Variants in ZNF521 observed in about 807,000 individuals in gnomAD.
ZNF521 encodes the protein zinc finger protein 521.
In ZNF521, 14 loss-of-function variants were observed where a neutral mutation model predicts 105.5. The ratio of observed to expected loss-of-function variants is 0.13; its 90% confidence interval spans 0.09 to 0.21. The LOEUF (loss-of-function observed/expected upper bound fraction) is 0.21, where lower values mean the gene tolerates loss of function less well. Among genes scored for constraint, ZNF521 ranks in the 10% least tolerant of loss-of-function variants. ZNF521 has a pLI of 1.00. For missense variants in ZNF521, 1,233 were observed against 1,629.7 expected, an observed-to-expected ratio of 0.76 and a Z score of 4.19; for synonymous variants, 635 against 606.0, an observed-to-expected ratio of 1.05 and a Z score of -0.70.
At chr18:25,292,832 T>G (rs1331909409) in intron 3 of ZNF521, among the ~76,000 whole-genome samples, 2 of 152,198 alleles carry the variant, frequency 1.3e-5, no homozygotes, top group African/African-American at 4.8e-5. Context: ...TTATTTGTTC[T>G]TTAAACAAAA....
Position 25,178,637 on chromosome 18 carries a change from T to C in ZNF521, c.3658+16523A>G, listed in dbSNP as rs139098377. Among the ~76,000 whole-genome samples the C allele has an allele frequency of 5.8e-3, 877 of 152,316 alleles. 8 individuals carry two copies. The highest frequency in any genetic ancestry group is 0.02 in the African/African-American group (829 of 41,564). On this transcript the variant is annotated intron_variant, in intron 5 of 7. Transcript: ENST00000361524. ...ACTTAGCTGTTTCAAAGTAGTTTGT[T>C]TTAAGAAAGTAGAAGAGAATACCTA...
At chr18:25,328,095 A>C (rs1446920776) in intron 2 of ZNF521, among the ~76,000 whole-genome samples, 1 of 152,164 alleles carries the variant, frequency 6.6e-6, no homozygotes, top group East Asian at 1.9e-4. Flanking sequence ...GAAAGTTGTT[A>C]AATTGTTTTA....
intron 4 of ZNF521, among the ~76,000 whole-genome samples, chr18:25,216,506 G>A (rs942137649): frequency 5.3e-5 from 8 of 152,162 alleles, no homozygotes; most frequent in African/African-American, 1.4e-4. Context: ...AACATTTACT[G>A]AGCCCTTATG....
Position 25,253,328 on chromosome 18 carries a change from G to A in ZNF521, c.221-25631C>T, listed in dbSNP as rs549727025. Among the ~76,000 whole-genome samples the A allele has an allele frequency of 2.3e-3, 348 of 152,150 alleles. 3 individuals are homozygous for A. Among genetic ancestry groups the A allele is most frequent in the Non-Finnish European group, 3.3e-3 (227 of 67,970 alleles). On this transcript the variant is annotated intron_variant, in intron 3 of 7. Coordinates refer to ENST00000361524, the MANE Select transcript of ZNF521 (RefSeq NM_015461.3). ...TAACCCCTGAAGTACAAATCACTAC[G>A]GTATTTCCATTTATTTGCACTGCCA...
chr18:25,303,271 CGTGTGTGT>C (rs756904913), intron 3 of ZNF521, among the ~76,000 whole-genome samples: 80 of 132,692 alleles, frequency 6.0e-4, no homozygotes, highest in Non-Finnish European at 1.1e-3. Flanking sequence ...TTCTTTCTTT[CGTGTGTGT>C]GTGTGTGTGT....
intron 3 of ZNF521, among the ~76,000 whole-genome samples, chr18:25,291,572 A>G (rs939265311): frequency 2.6e-5 from 4 of 152,168 alleles, no homozygotes; most frequent in African/African-American, 9.7e-5. Flanking sequence ...AGTTAGTTGA[A>G]TTGTGAGGCT....
intron 5 of ZNF521, among the ~76,000 whole-genome samples, chr18:25,160,182 T>C (rs951857102): frequency 6.6e-6 from 1 of 152,176 alleles, no homozygotes; most frequent in African/African-American, 2.4e-5. Context: ...TCTATTCGTC[T>C]TTACTGTCAA....
At chr18:25,065,204 C>T (rs1335956268) in intron 7 of ZNF521, among the ~76,000 whole-genome samples, 1 of 151,978 alleles carries the variant, frequency 6.6e-6, no homozygotes, top group African/African-American at 2.4e-5. Flanking sequence ...AAACAATGAC[C>T]AAATAAGTAC....
chr18:25,287,751 T>TA (rs917086771), intron 3 of ZNF521, among the ~76,000 whole-genome samples: 3 of 152,146 alleles, frequency 2.0e-5, no homozygotes, highest in African/African-American at 7.2e-5. Flanking sequence ...GCAGGAAATT[T>TA]AAAAAATTAC....
intron 2 of ZNF521, among the ~76,000 whole-genome samples, chr18:25,329,415 G>A (rs1913421954): frequency 6.6e-6 from 1 of 152,216 alleles, no homozygotes; most frequent in Non-Finnish European, 1.5e-5. Context: ...AGATGGAGGG[G>A]CATCTAAATC....
rs1295491386 is a variant in ZNF521 at position 25,120,421 on chromosome 18, A to T, written c.3659-28340T>A. 3.3e-5 allele frequency among the ~76,000 whole-genome samples: 5 copies of T among 152,204 alleles called. No homozygotes were observed. In the East Asian group the frequency reaches 9.7e-4, roughly 29 times the overall value. On this transcript the variant is annotated intron_variant, in intron 5 of 7. Coordinates refer to ENST00000361524, the MANE Select transcript of ZNF521 (RefSeq NM_015461.3). ...AACACGATGAAACCCCATCTCTACTAAAAATACGAAAAATTAGCTGGGTGT... is the reference window on the plus strand; with the variant it reads ...AACACGATGAAACCCCATCTCTACTTAAAATACGAAAAATTAGCTGGGTGT...
intron 2 of ZNF521, among the ~76,000 whole-genome samples, chr18:25,332,004 T>C (rs1223927952): frequency 2.0e-5 from 3 of 151,834 alleles, no homozygotes; most frequent in Non-Finnish European, 2.9e-5. Context: ...ATCGAAACAT[T>C]TTGGGCATTT....
At chr18:25,338,441 C>T (rs1335399718) in intron 2 of ZNF521, among the ~76,000 whole-genome samples, 2 of 151,900 alleles carry the variant, frequency 1.3e-5, no homozygotes, top group African/African-American at 4.8e-5. Context: ...GAGATGGGGT[C>T]TCACTCTGTC....
At chr18:25,162,948 T>C (rs551343052) in intron 5 of ZNF521, among the ~76,000 whole-genome samples, 17 of 152,344 alleles carry the variant, frequency 1.1e-4, no homozygotes, top group Non-Finnish European at 1.9e-4. Flanking sequence ...AATATGTTCA[T>C]TATTTAACTA....
At position 25,062,480 on chromosome 18, in the gene ZNF521, C is replaced by T; in HGVS notation, c.*232G>A. 1 of 503,528 alleles carries T rather than the reference C, an allele frequency of 2.0e-6. No homozygotes were observed. The highest frequency in any genetic ancestry group is 3.3e-6 in the Non-Finnish European group (1 of 299,628). The allele number at this position is 503,528 out of a possible 1,614,324, so 31.2% of individuals were successfully genotyped here. On this transcript the variant is annotated 3_prime_UTR_variant, in exon 8 of 8. Transcript: ENST00000361524. The stretch of plus-strand genomic sequence containing the variant: ...CCAAGTCCACTTGTCTTTATAAGAC[C>T]ATTTTAGTATCAGACGACATAATAC...
chr18:25,125,154 A>G (rs182424873), intron 5 of ZNF521, among the ~76,000 whole-genome samples: 44 of 152,264 alleles, frequency 2.9e-4, no homozygotes, highest in Middle Eastern at 6.8e-3. Context: ...AGCAGTTTAT[A>G]CCTCAAAGGA....
At chr18:25,080,166 A>T (rs1165903703) in intron 7 of ZNF521, among the ~76,000 whole-genome samples, 7 of 152,314 alleles carry the variant, frequency 4.6e-5, no homozygotes, top group Admixed American at 4.6e-4. Flanking sequence ...TCCTATGGGA[A>T]AGCAGTTCCT....
chr18:25,287,907 C>A lies in ZNF521; in HGVS notation c.220+34101G>T, dbSNP rs967224966. ...GATTCTACTTGCTTGTATCTGTCTACAATGGACTTTCACAGAACTCGTTTG... is the reference window on the plus strand; with the variant it reads ...GATTCTACTTGCTTGTATCTGTCTAAAATGGACTTTCACAGAACTCGTTTG... On this transcript the variant is annotated intron_variant, in intron 3 of 7. Transcript: ENST00000361524. Among the ~76,000 whole-genome samples, 16 of 152,306 alleles carry A rather than the reference C, an allele frequency of 1.1e-4. No individual in the cohort carries two copies. In the East Asian group the frequency reaches 2.5e-3, roughly 24 times the overall value.
At chr18:25,120,038 C>T (rs1600058880) in intron 5 of ZNF521, among the ~76,000 whole-genome samples, 1 of 152,110 alleles carries the variant, frequency 6.6e-6, no homozygotes, top group East Asian at 1.9e-4. Flanking sequence ...GAGAATATTA[C>T]AATTTTATGC....
Sources: allele counts gnomAD v4.1 joint callset (sites outside exome capture counted in the v4.1 genomes callset), GRCh38; gene constraint gnomAD v4.1.1; transcripts MANE v1.5; gene names NCBI Gene and HGNC (gene_info 2026-07-23, HGNC 2026-07-21).